The following VMP1 variants were observed in gnomAD, a reference collection of about 807,000 sequenced individuals.
VMP1 encodes the protein ectopic P-granules autophagy protein 3 homolog.
VMP1 carries 11 observed loss-of-function variants against 56.0 expected under a neutral mutation model. That is an observed-to-expected ratio of 0.20 (90% confidence interval 0.12 to 0.32). VMP1 has a LOEUF of 0.32. Ranked by LOEUF, VMP1 falls within the 10% of genes least tolerant of loss-of-function variation. The pLI is 1.00. For synonymous variants in VMP1, 149 were observed against 165.0 expected, an observed-to-expected ratio of 0.90 and a Z score of 0.74; for missense variants, 296 against 490.3, an observed-to-expected ratio of 0.60 and a Z score of 3.74.
intron 7 of VMP1, among the ~76,000 whole-genome samples, chr17:59,806,715 C>A (rs372946155): frequency 3.9e-3 from 472 of 120,392 alleles, no homozygotes; most frequent in African/African-American, 4.1e-3. Flanking sequence ...AAGTTTGTCT[C>A]AAAAAAAAAA....
chr17:59,732,240 T>A (rs1032472126), intron 2 of VMP1, among the ~76,000 whole-genome samples: 1 of 151,948 alleles, frequency 6.6e-6, no homozygotes, highest in African/African-American at 2.4e-5. Flanking sequence ...TAGTTTTCAT[T>A]TGTTTGTTTG....
At chr17:59,799,845 C>A (rs564922213) in intron 7 of VMP1, among the ~76,000 whole-genome samples, 3 of 151,720 alleles carry the variant, frequency 2.0e-5, no homozygotes, top group African/African-American at 7.3e-5. Context: ...CCCCTGTAGT[C>A]CCAGCTACTC....
chr17:59,817,114 CA>C (rs1388673274), intron 9 of VMP1, among the ~76,000 whole-genome samples: 16 of 146,976 alleles, frequency 1.1e-4, no homozygotes, highest in Non-Finnish European at 2.1e-4. Flanking sequence ...ACTAAAAATA[CA>C]AAAAAAAATT....
chr17:59,839,983 G>A lies in VMP1; in HGVS notation c.*72G>A. 1 of 1,563,608 alleles carries A rather than the reference G, an allele frequency of 6.4e-7. No individual in the cohort carries two copies. On this transcript the variant is annotated 3_prime_UTR_variant, in exon 12 of 12. Coordinates refer to ENST00000262291, the MANE Select transcript of VMP1 (RefSeq NM_030938.5). ...CTTAAATTGGGAGGACTCCAAGCCGGGAAGGAAAATTCCCTTTTCCAACCT... is the reference window on the plus strand; with the variant it reads ...CTTAAATTGGGAGGACTCCAAGCCGAGAAGGAAAATTCCCTTTTCCAACCT...
chr17:59,823,447 CA>C (rs71145578), intron 10 of VMP1, among the ~76,000 whole-genome samples: 76,523 of 122,132 alleles, frequency 0.63, 22,994 homozygotes, highest in Non-Finnish European at 0.71. Flanking sequence ...AGATATGTCT[CA>C]AAAAAAAAAA....
intron 3 of VMP1, chr17:59,735,787 G>A (rs1039128013): frequency 4.0e-6 from 1 of 249,648 alleles, no homozygotes; most frequent in African/African-American, 2.2e-5. Context: ...GGAGAAATCA[G>A]GTCTGTGTAA....
chr17:59,744,934 T>C (rs1413022783), intron 5 of VMP1, among the ~76,000 whole-genome samples: 1 of 152,164 alleles, frequency 6.6e-6, no homozygotes, highest in Non-Finnish European at 1.5e-5. Context: ...TCACTAGTCT[T>C]TATTTTTTAA....
At chr17:59,807,194 T>G (rs2037872276) in intron 7 of VMP1, among the ~76,000 whole-genome samples, 1 of 150,336 alleles carries the variant, frequency 6.7e-6, no homozygotes, top group South Asian at 2.1e-4. Context: ...CTTTTTTGTT[T>G]TTTTGTTTTT....
chr17:59,743,181 T>A (rs1295027625), intron 5 of VMP1, among the ~76,000 whole-genome samples: 2 of 152,232 alleles, frequency 1.3e-5, no homozygotes, highest in Non-Finnish European at 2.9e-5. Context: ...ATGCATAATG[T>A]CATGTATATA....
chr17:59,732,453 G>C (rs1431602219), intron 2 of VMP1, among the ~76,000 whole-genome samples: 2 of 152,184 alleles, frequency 1.3e-5, no homozygotes, highest in Non-Finnish European at 2.9e-5. Context: ...ATGTTGGCCA[G>C]GGTGGTCTTG....
chr17:59,757,957 A>G (rs1306056255), intron 5 of VMP1, among the ~76,000 whole-genome samples: 1 of 148,466 alleles, frequency 6.7e-6, no homozygotes, highest in African/African-American at 2.5e-5. Context: ...GGCTCAAGCA[A>G]TCCTTCCACT....
rs141505697 is a variant in VMP1 at position 59,771,197 on chromosome 17, A to G, written c.583-2557A>G. Among the ~76,000 whole-genome samples, 856 of 150,982 alleles carry G rather than the reference A, an allele frequency of 5.7e-3. 5 individuals are homozygous for G. The highest frequency in any genetic ancestry group is 0.012 in the Admixed American group (180 of 15,128). On this transcript the variant is annotated intron_variant, in intron 6 of 11. Coordinates refer to ENST00000262291, the MANE Select transcript of VMP1 (RefSeq NM_030938.5). ...TTTTTTTGAATTATTAACTGGAGAC[A>G]GGGTCTCACTCTGTCACCAGGCTGG... is the stretch of plus-strand genomic sequence containing the variant.
At chr17:59,830,504 CACAA>C (rs2038774298) in intron 10 of VMP1, among the ~76,000 whole-genome samples, 1 of 152,154 alleles carries the variant, frequency 6.6e-6, no homozygotes, top group African/African-American at 2.4e-5. Flanking sequence ...ACTAACCCAG[CACAA>C]ACAATGAAAT....
chr17:59,831,852 A>G (rs996192670), intron 10 of VMP1, among the ~76,000 whole-genome samples: 12 of 151,218 alleles, frequency 7.9e-5, no homozygotes, highest in African/African-American at 2.9e-4. Context: ...AATTGCCACT[A>G]GCATCATTTG....
At chr17:59,809,385 C>T (rs1344842269) in intron 8 of VMP1, among the ~76,000 whole-genome samples, 1 of 136,002 alleles carries the variant, frequency 7.4e-6, no homozygotes, top group African/African-American at 2.7e-5. Flanking sequence ...GGCACAATCT[C>T]GGCTCACTGC....
At chr17:59,750,579 G>A (rs1471172975) in intron 5 of VMP1, among the ~76,000 whole-genome samples, 1 of 152,110 alleles carries the variant, frequency 6.6e-6, no homozygotes, top group Non-Finnish European at 1.5e-5. Context: ...TGGGATTACA[G>A]GCATGAGCCA....
At chr17:59,752,493 C>T (rs2035690668) in intron 5 of VMP1, among the ~76,000 whole-genome samples, 1 of 152,116 alleles carries the variant, frequency 6.6e-6, no homozygotes, top group Admixed American at 6.6e-5. Context: ...CAAGAAATAA[C>T]AGGTTTCACA....
chr17:59,739,723 CAAA>C (rs35210425), intron 5 of VMP1, among the ~76,000 whole-genome samples: 6 of 41,548 alleles, frequency 1.4e-4, no homozygotes, highest in East Asian at 7.0e-4. Flanking sequence ...GACTCTGTCT[CAAA>C]AAAAAAAAAA....
intron 7 of VMP1, among the ~76,000 whole-genome samples, chr17:59,779,756 T>C (rs895574360): frequency 4.6e-5 from 7 of 152,300 alleles, no homozygotes; most frequent in South Asian, 2.1e-4. Context: ...CTGTGTGATA[T>C]CTCTCAAGGA....
Sources: allele counts gnomAD v4.1 joint callset (sites outside exome capture counted in the v4.1 genomes callset), GRCh38; gene constraint gnomAD v4.1.1; transcripts MANE v1.5; gene names NCBI Gene and HGNC (gene_info 2026-07-23, HGNC 2026-07-21).